The following TPD52L2 variants were observed in gnomAD, a reference collection of about 807,000 sequenced individuals.
The protein encoded by TPD52L2 is TPD52 like 2, also known as tumor protein D54.
Under a neutral mutation model 24.7 loss-of-function variants are expected in TPD52L2, and 19 were observed. The observed-to-expected ratio is 0.77, with a 90% confidence interval of 0.54 to 1.13. The LOEUF (loss-of-function observed/expected upper bound fraction) is 1.13. Ranked by LOEUF, TPD52L2 falls within the 50% of genes most tolerant of loss-of-function variation. The probability of loss-of-function intolerance (pLI) is 0.00; values close to 1 mark genes in which losing one functional copy is unlikely to be tolerated. For synonymous variants in TPD52L2, 104 were observed against 100.2 expected (o/e 1.04, Z -0.23); for missense variants, 236 against 250.4 (o/e 0.94, Z 0.39).
intron 5 of TPD52L2, among the ~76,000 whole-genome samples, chr20:63,884,907 T>G (rs1489599554): frequency 2.0e-5 from 3 of 152,212 alleles, no homozygotes; most frequent in African/African-American, 4.8e-5. Context: ...CTTGCCCTGC[T>G]TGCTCCTCCA....
intron 5 of TPD52L2, chr20:63,888,864 T>C (rs2146253078): frequency 2.6e-6 from 1 of 385,396 alleles, no homozygotes; most frequent in East Asian, 4.4e-5. Flanking sequence ...GCACAGACTT[T>C]TCATAACCTC....
rs1005980459 is a variant in TPD52L2 at position 63,890,312 on chromosome 20, A to C, written c.*367A>C. The C allele has an allele frequency of 3.1e-6, 1 of 326,230 alleles. No individual in the cohort carries two copies. The highest frequency in any genetic ancestry group is 2.1e-5 in the African/African-American group (1 of 46,950). 20.2% of individuals were successfully genotyped at this position (326,230 alleles called of 1,614,324 possible). Reference sequence around the variant, plus strand: ...ATTGAAGAGTTCTAAGCATAAAATAAGTGGCATTTTCTGACTTCTTCCTCC... The same window carrying C: ...ATTGAAGAGTTCTAAGCATAAAATACGTGGCATTTTCTGACTTCTTCCTCC... On this transcript the variant is annotated 3_prime_UTR_variant, in exon 7 of 7. Transcript: ENST00000346249.
chr20:63,866,253 C>T (rs1282413113), intron 1 of TPD52L2, among the ~76,000 whole-genome samples: 4 of 151,840 alleles, frequency 2.6e-5, no homozygotes, highest in Admixed American at 1.3e-4. Flanking sequence ...TACAGGCACG[C>T]GCCACCAGGC....
At chr20:63,865,507 C>G in intron 1 of TPD52L2, 123 bp downstream of exon 1, 1 of 1,293,898 alleles carries the variant, frequency 7.7e-7, no homozygotes, top group Non-Finnish European at 1.0e-6. Flanking sequence ...CCCGCGGCCC[C>G]TCTTCAGCTC....
intron 5 of TPD52L2, among the ~76,000 whole-genome samples, chr20:63,884,771 C>T (rs890226962): frequency 2.7e-5 from 4 of 150,232 alleles, no homozygotes; most frequent in Admixed American, 6.6e-5. Context: ...CGTGTTTGCA[C>T]GTGTGCCCTG....
Position 63,877,371 on chromosome 20 carries a change from G to A in TPD52L2, c.374+1496G>A, listed in dbSNP as rs1355942906. Among the ~76,000 whole-genome samples, 2 of 152,128 alleles carry A rather than the reference G, an allele frequency of 1.3e-5. No homozygotes were observed. The highest frequency in any genetic ancestry group is 2.9e-5 in the Non-Finnish European group (2 of 68,028). On this transcript the variant is annotated intron_variant, in intron 4 of 6. Coordinates refer to ENST00000346249, the MANE Select transcript of TPD52L2 (RefSeq NM_003288.4). The surrounding 1 kb of genome is among the most constrained non-coding windows in gnomAD (Gnocchi z 4.1). ...AGACAGGGTTTCATGGTGTTAGCCAGGATGGTTTCGATCTCCTGACCTCGT... is the reference window on the plus strand; with the variant it reads ...AGACAGGGTTTCATGGTGTTAGCCAAGATGGTTTCGATCTCCTGACCTCGT...
Position 63,889,881 on chromosome 20 carries a change from G to A in TPD52L2, c.557G>A (p.Ser186Asn). Residue 186 changes from serine to asparagine, a missense_variant, in exon 7 of 7, where the codon AGT (serine) becomes AAT (asparagine). Coordinates refer to ENST00000346249, the MANE Select transcript of TPD52L2 (RefSeq NM_003288.4). ...SKVVGDRENG[S>N]DNLPSSAGSG... ...GTTGTGGGTGACAGAGAGAACGGCAGTGACAACCTCCCTTCCTCAGCGGGG... is the reference window on the plus strand; with the variant it reads ...GTTGTGGGTGACAGAGAGAACGGCAATGACAACCTCCCTTCCTCAGCGGGG... The A allele has an allele frequency of 6.2e-7, 1 of 1,614,214 alleles. No individual in the cohort carries two copies. Among genetic ancestry groups the A allele is most frequent in the Non-Finnish European group, 8.5e-7 (1 of 1,180,040 alleles).
At chr20:63,875,663 G>A (rs1334714402) in intron 3 of TPD52L2, among the ~76,000 whole-genome samples, 153 bp from the exon 4 acceptor site, 2 of 152,238 alleles carry the variant, frequency 1.3e-5, no homozygotes, top group East Asian at 3.9e-4. Context: ...ACAGGGCCTG[G>A]TTGAGGCAGT....
At chr20:63,866,328 C>T (rs11699656) in intron 1 of TPD52L2, among the ~76,000 whole-genome samples, 2,235 of 152,290 alleles carry the variant, frequency 0.015, 30 homozygotes, top group Non-Finnish European at 0.019. Context: ...TGGTCTCGAT[C>T]TCTTGACCTT....
intron 1 of TPD52L2, among the ~76,000 whole-genome samples, chr20:63,868,454 G>A (rs757683136): frequency 3.5e-4 from 53 of 152,358 alleles, no homozygotes; most frequent in Non-Finnish European, 6.5e-4. Flanking sequence ...CTCTCTGCCT[G>A]CTGGCGGCCT....
At chr20:63,879,465 T>C (rs2052813904) in intron 4 of TPD52L2, among the ~76,000 whole-genome samples, 1 of 151,918 alleles carries the variant, frequency 6.6e-6, no homozygotes, top group African/African-American at 2.4e-5. Context: ...ATCCTCCTTG[T>C]GTGGGTGGTA....
rs2053290162 is a variant in TPD52L2, at chr20:63,890,522, A to AT, written c.*583dup. 6.5e-6 allele frequency: 1 copy of AT among 153,900 alleles called. No individual in the cohort carries two copies. The highest frequency in any genetic ancestry group is 2.4e-5 in the African/African-American group (1 of 41,480). The allele number at this position is 153,900 out of a possible 1,614,324, so 9.5% of individuals were successfully genotyped here. On this transcript the variant is annotated 3_prime_UTR_variant, in exon 7 of 7. Transcript: ENST00000346249. Reference sequence around the variant, plus strand: ...TAGCTTTAACGGAAGCAAATTCATTATTTTTTAAATGCAGTGGACTTTTCA... The same window carrying AT: ...TAGCTTTAACGGAAGCAAATTCATTATTTTTTTAAATGCAGTGGACTTTTCA...
rs562937625 is a variant in TPD52L2, at chr20:63,882,690, C to T, written c.375-29C>T. 1.9e-6 allele frequency: 3 copies of T among 1,586,820 alleles called. No homozygotes were observed. The South Asian group carries it at 3.3e-5, about 18-fold the overall frequency. On this transcript the variant is annotated intron_variant, in intron 4 of 6. Transcript: ENST00000346249. ...GTGGGTGGTGACCCGCCCATGCTGTCTGGTTGATTTAACTGGTGTGTCTTC... is the reference window on the plus strand; with the variant it reads ...GTGGGTGGTGACCCGCCCATGCTGTTTGGTTGATTTAACTGGTGTGTCTTC...
chr20:63,876,667 G>A (rs536054584), intron 4 of TPD52L2: 59 of 432,542 alleles, frequency 1.4e-4, no homozygotes, highest in African/African-American at 1.1e-3. Flanking sequence ...TCCCATGTTG[G>A]TCTGAAAGGA....
intron 5 of TPD52L2, among the ~76,000 whole-genome samples, chr20:63,886,429 C>T (rs1039406285): frequency 1.6e-4 from 25 of 151,668 alleles, no homozygotes; most frequent in Non-Finnish European, 1.0e-4. Flanking sequence ...GGCGCGATCT[C>T]GGCTCACTGC....
chr20:63,879,571 C>G (rs1448810731), intron 4 of TPD52L2, among the ~76,000 whole-genome samples: 1 of 151,678 alleles, frequency 6.6e-6, no homozygotes, highest in African/African-American at 2.4e-5. Flanking sequence ...TTCCCCATCC[C>G]CACTCTTAGG....
At chr20:63,867,288 G>A (rs1339267697) in intron 1 of TPD52L2, among the ~76,000 whole-genome samples, 1 of 152,172 alleles carries the variant, frequency 6.6e-6, no homozygotes, top group Non-Finnish European at 1.5e-5. Context: ...CAGAAAGGCT[G>A]GGCTCGGTGG....
In TPD52L2 at chr20:63,890,661, A is replaced by G. The variant is rs752606; in HGVS notation, c.*716A>G. Reference sequence around the variant, plus strand: ...TGCTTTATTTCTTTCTAATTTTTATATGTATATAGATGAGGGTTCCTTAAT... The same window carrying G: ...TGCTTTATTTCTTTCTAATTTTTATGTGTATATAGATGAGGGTTCCTTAAT... On this transcript the variant is annotated 3_prime_UTR_variant, in exon 7 of 7. Coordinates refer to ENST00000346249, the MANE Select transcript of TPD52L2 (RefSeq NM_003288.4). 2,108 of 152,844 alleles carry G rather than the reference A, an allele frequency of 0.014. 43 individuals carry two copies. Among genetic ancestry groups the G allele is most frequent in the South Asian group, 0.09 (433 of 4,834 alleles). 9.5% of individuals were successfully genotyped at this position (152,844 alleles called of 1,614,324 possible). A position where few individuals can be genotyped will look rare whatever the true frequency, so the allele number is the denominator to read the frequency against.
chr20:63,870,732 T>G (rs1377798150), intron 2 of TPD52L2, among the ~76,000 whole-genome samples: 1 of 150,988 alleles, frequency 6.6e-6, no homozygotes, highest in African/African-American at 2.4e-5. Flanking sequence ...GTTTTTTTTT[T>G]TTGGAGACAG....
Sources: allele counts gnomAD v4.1 joint callset (sites outside exome capture counted in the v4.1 genomes callset), GRCh38; gene constraint gnomAD v4.1.1; non-coding constraint Gnocchi (gnomAD v3.1); transcripts MANE v1.5; gene names NCBI Gene and HGNC (gene_info 2026-07-23, HGNC 2026-07-21).